DHX38: variants seen among roughly 807,000 people sequenced by gnomAD.
The protein encoded by DHX38 is DEAH-box helicase 38.
A neutral mutation model predicts 153.1 loss-of-function variants in DHX38; 100 were observed. That is an observed-to-expected ratio of 0.65 (90% CI 0.56 to 0.77). DHX38 has a LOEUF of 0.77. DHX38 is among the 30% of genes least tolerant of loss of function. The pLI, the probability that DHX38 is intolerant of heterozygous loss-of-function variation, is 0.00. For missense variants in DHX38, 1,440 were observed against 1,654.0 expected (o/e 0.87, Z 2.24); for synonymous variants, 650 against 631.7 (o/e 1.03, Z -0.43).
chr16:72,099,608 C>T, intron 7 of DHX38, 124 bp from the exon 8 acceptor site: 1 of 1,347,562 alleles, frequency 7.4e-7, no homozygotes, highest in East Asian at 2.5e-5. Context: ...TCTCCTGCAC[C>T]CCTCACAAGG....
At chr16:72,098,042 A>T (rs1403308789) in intron 4 of DHX38, among the ~76,000 whole-genome samples, 9 of 152,212 alleles carry the variant, frequency 5.9e-5, no homozygotes, top group Non-Finnish European at 1.2e-4. Context: ...GAGGTAGAAG[A>T]AGTGTTTATT....
At chr16:72,102,916 G>T (rs1352390792) in intron 11 of DHX38, among the ~76,000 whole-genome samples, 158 bp from the exon 12 acceptor site, 1 of 152,204 alleles carries the variant, frequency 6.6e-6, no homozygotes, top group Non-Finnish European at 1.5e-5. Flanking sequence ...TTTCAGTCCT[G>T]AGGTCGATGA....
At chr16:72,101,676 T>TG (rs1186059271) in intron 11 of DHX38, 64 bp downstream of exon 11, 14 of 1,391,662 alleles carry the variant, frequency 1.0e-5, no homozygotes, top group Non-Finnish European at 1.4e-5. Flanking sequence ...TGTGGGCAGT[T>TG]GCGGCAGAAC....
In DHX38 at chr16:72,103,719, C is replaced by G. The variant is rs1230898546; in HGVS notation, c.1755C>G (p.Pro585=). 3.7e-6 allele frequency: 6 copies of G among 1,613,922 alleles called. No homozygotes were observed. Among genetic ancestry groups the G allele is most frequent in the Non-Finnish European group, 5.1e-6 (6 of 1,179,968 alleles). ...TDYGMIGCTQ[P]RRVAAMSVAK... ...ATGGGATGATTGGGTGTACCCAGCC[C>G]CGGCGTGTAGCTGCCATGTCAGTGG... Residue 585 remains proline (P), a synonymous_variant, in exon 13 of 27, where the codon CCC becomes CCG. Transcript: ENST00000268482.
In DHX38 at chr16:72,112,431, T is replaced by G. The variant is rs1356153871; in HGVS notation, c.3618T>G (p.Thr1206=). The G allele has an allele frequency of 6.2e-7, 1 of 1,610,306 alleles. No individual in the cohort carries two copies. The highest frequency in any genetic ancestry group is 8.5e-7 in the Non-Finnish European group (1 of 1,179,934). Residue 1206 remains threonine (T), a synonymous_variant, in exon 27 of 27, where the codon ACT becomes ACG. Coordinates refer to ENST00000268482, the MANE Select transcript of DHX38 (RefSeq NM_014003.4). ...LGSVRSTKIY[T]PGRKEQGEPM... is the part of the protein sequence containing the mutation. ...TCTCCAGGTCTACGAAGATCTACAC[T>G]CCAGGCCGGAAAGAGCAAGGGGAGC...
At position 72,097,720 on chromosome 16, in the gene DHX38, T is replaced by C; in HGVS notation, c.555T>C (p.Asp185=). 6.2e-7 allele frequency: 1 copy of C among 1,613,994 alleles called. No individual in the cohort carries two copies. Among genetic ancestry groups the C allele is most frequent in the Non-Finnish European group, 8.5e-7 (1 of 1,179,934 alleles). The stretch of plus-strand genomic sequence containing the variant: ...GGCACAGCAGCAGATCAGAGCGAGA[T>C]GGAGGGTCAGAGCGTAGCAGCAGAA... ...RSRHSSRSER[D]GGSERSSRRN... The change falls in exon 4 of 27, where the codon GAT becomes GAC. Residue 185 remains aspartate (D), a synonymous_variant. Coordinates refer to ENST00000268482, the MANE Select transcript of DHX38 (RefSeq NM_014003.4).
At chr16:72,098,575 T>C in intron 4 of DHX38, 70 bp from the exon 5 acceptor site, 1 of 1,563,864 alleles carries the variant, frequency 6.4e-7, no homozygotes, top group Non-Finnish European at 8.7e-7. Flanking sequence ...AATTGACTTT[T>C]GGCAACTGGT....
chr16:72,096,966 G>A lies in DHX38; in HGVS notation c.468G>A (p.Lys156=). The A allele has an allele frequency of 1.9e-6, 3 of 1,614,070 alleles. No individual in the cohort carries two copies. The highest frequency in any genetic ancestry group is 2.5e-6 in the Non-Finnish European group (3 of 1,180,004). ...ASSKEEKDWK[K]EKSRDRDYDR... ...CCAAAGAAGAAAAGGATTGGAAGAA[G>A]GAGAAATCGCGGGATCGAGACTATG... Residue 156 remains lysine, a synonymous_variant, in exon 3 of 27, where the codon AAG becomes AAA. Transcript: ENST00000268482.
chr16:72,097,790 A>G lies in DHX38; in HGVS notation c.616+9A>G. 1 of 1,609,968 alleles carries G rather than the reference A, an allele frequency of 6.2e-7. No homozygotes were observed. The highest frequency in any genetic ancestry group is 2.2e-5 in the East Asian group (1 of 44,794). On this transcript the variant is annotated intron_variant, in intron 4 of 26. Transcript: ENST00000268482. ...ACGACATCGACCTAAAGGTAGACTC[A>G]CTGTTTTGGTGGCTTGTGAGGATTC... is the stretch of plus-strand genomic sequence containing the variant.
rs761651649 is a variant in DHX38, at chr16:72,098,696, G to T, written c.668G>T (p.Gly223Val). The T allele has an allele frequency of 6.2e-6, 10 of 1,614,008 alleles. No individual in the cohort carries two copies. The highest frequency in any genetic ancestry group is 7.6e-6 in the Non-Finnish European group (9 of 1,179,984). The change falls in exon 5 of 27, where the codon GGC becomes GTC. Residue 223 changes from glycine to valine, a missense_variant. This residue lies in a region of DHX38 where 483 missense variants were observed against 465.1 expected (regional missense o/e 1.04). Transcript: ENST00000268482. ...TGGGAGGAAGAGGACAGTGGCTATG[G>T]CTCCTCAAGGCGCTCACAGTGGGAA... ...STWEEEDSGY[G>V]SSRRSQWESP... is the part of the protein sequence containing the mutation.
chr16:72,111,134 G>T, intron 26 of DHX38, 57 bp downstream of exon 26: 1 of 1,501,708 alleles, frequency 6.7e-7, no homozygotes, highest in South Asian at 1.3e-5. Context: ...GAGGCTGCCA[G>T]AGACCAGGCC....
chr16:72,103,010 A>G (rs1010833193), intron 11 of DHX38, 64 bp from the exon 12 acceptor site: 69 of 1,588,162 alleles, frequency 4.3e-5, no homozygotes, highest in Non-Finnish European at 5.8e-5. Flanking sequence ...GGAGGGCAGC[A>G]ACCCAATCAG....
At chr16:72,100,864 C>T (rs915233190) in intron 9 of DHX38, among the ~76,000 whole-genome samples, 1 of 152,164 alleles carries the variant, frequency 6.6e-6, no homozygotes, top group East Asian at 1.9e-4. Context: ...GAGGCAGAAC[C>T]TGCAGTGAGC....
rs1217647309 is a variant in DHX38, at chr16:72,099,738, G to A, written c.967G>A (p.Asp323Asn). 3.1e-6 allele frequency: 5 copies of A among 1,613,956 alleles called. No individual in the cohort carries two copies. Among genetic ancestry groups the A allele is most frequent in the Non-Finnish European group, 4.2e-6 (5 of 1,179,996 alleles). Residue 323 changes from aspartate to asparagine, a missense_variant, in exon 8 of 27, where the codon GAT becomes AAT. By Grantham distance (23) the Asp-to-Asn change is conservative. Transcript: ENST00000268482. The stretch of plus-strand genomic sequence containing the variant: ...TTTGCCTCCTGCCCTGCAGCAAGCC[G>A]ATCGGGATTGGTACATGATGGACGA... ...QQWEDDQRQA[D>N]RDWYMMDEGY...
In DHX38 at chr16:72,098,631, C is replaced by G. The variant is rs1409069678; in HGVS notation, c.617-14C>G. ...AGTGAGATGTTTCCTGTGGATGTGT[C>G]TTTTGTGGCCCAGATGCAGCCACCC... On this transcript the variant is annotated splice_polypyrimidine_tract_variant and intron_variant, in intron 4 of 26. Coordinates refer to ENST00000268482, the MANE Select transcript of DHX38 (RefSeq NM_014003.4). 1 of 1,613,098 alleles carries G rather than the reference C, an allele frequency of 6.2e-7. No homozygotes were observed. The highest frequency in any genetic ancestry group is 8.5e-7 in the Non-Finnish European group (1 of 1,179,224).
At position 72,105,525 on chromosome 16, in the gene DHX38, T is replaced by C; in HGVS notation, c.2388T>C (p.Asp796=). The C allele has an allele frequency of 6.2e-7, 1 of 1,614,196 alleles. No homozygotes were observed. The highest frequency in any genetic ancestry group is 8.5e-7 in the Non-Finnish European group (1 of 1,180,040). ...TGTATGTCCTGCTCTAGGCTCCAGA[T>C]GGCGTTCGGAAGTGCATCGTTGCCA... ...LQAKIFQKAP[D]GVRKCIVATN... is the part of the protein sequence containing the mutation. The change falls in exon 18 of 27, where the codon GAT becomes GAC. Residue 796 remains aspartate (D), a synonymous_variant. Transcript: ENST00000268482.
chr16:72,112,188 A>T (rs1360176509), intron 26 of DHX38: 2 of 583,314 alleles, frequency 3.4e-6, no homozygotes, highest in Non-Finnish European at 6.1e-6. Context: ...AGGAGTTGTT[A>T]AAATCCGATC....
chr16:72,103,296 T>C (rs1053251040), intron 12 of DHX38, 85 bp downstream of exon 12: 13 of 1,525,448 alleles, frequency 8.5e-6, no homozygotes, highest in Admixed American at 4.1e-5. Context: ...TCTTTTTCTT[T>C]TGTGCATTGC....
intron 1 of DHX38, 54 bp from the exon 2 acceptor site, chr16:72,096,085 G>C: frequency 6.7e-7 from 1 of 1,503,466 alleles, no homozygotes; most frequent in Non-Finnish European, 9.0e-7. Flanking sequence ...ATTTATTGTG[G>C]GATATAGTAG....
Sources: allele counts gnomAD v4.1 joint callset (sites outside exome capture counted in the v4.1 genomes callset), GRCh38; gene constraint gnomAD v4.1.1; regional missense constraint gnomAD v4.1.1; transcripts MANE v1.5; gene names NCBI Gene and HGNC (gene_info 2026-07-23, HGNC 2026-07-21).